ABHD18: variants seen among roughly 807,000 people sequenced by gnomAD.
ABHD18 encodes abhydrolase domain containing 18.
A neutral mutation model predicts 65.9 loss-of-function variants in ABHD18; 55 were observed. That is an observed-to-expected ratio of 0.84 (90% CI 0.67 to 1.05). ABHD18 has a LOEUF of 1.05. Ranked by LOEUF, ABHD18 falls within the 50% of genes least tolerant of loss-of-function variation. ABHD18 has a pLI of 0.00. For synonymous variants in ABHD18, 181 were observed against 180.2 expected, an observed-to-expected ratio of 1.00 and a Z score of -0.04; for missense variants, 533 against 558.5, an observed-to-expected ratio of 0.95 and a Z score of 0.46.
At chr4:128,024,738 G>A (rs1454308242) in intron 10 of ABHD18, among the ~76,000 whole-genome samples, 6 of 151,692 alleles carry the variant, frequency 4.0e-5, no homozygotes, top group Non-Finnish European at 8.8e-5. Flanking sequence ...TTTTGCCCAG[G>A]TTGGAGTGCA....
At chr4:127,970,599 AAAAAAAAAAAAG>A (rs1746568208) in intron 1 of ABHD18, among the ~76,000 whole-genome samples, 1 of 151,360 alleles carries the variant, frequency 6.6e-6, no homozygotes, top group Admixed American at 6.6e-5. Flanking sequence ...CAAAAAAAAA[AAAAAAAAAAAAG>A]AAAGAAAATA....
intron 3 of ABHD18, among the ~76,000 whole-genome samples, chr4:127,984,649 G>A (rs1051123036): frequency 6.6e-6 from 1 of 152,056 alleles, no homozygotes; most frequent in Non-Finnish European, 1.5e-5. Flanking sequence ...CCTGAGGTTG[G>A]GAGTTCAGAC....
At chr4:127,969,049 C>T (rs1292648758) in intron 1 of ABHD18, among the ~76,000 whole-genome samples, 1 of 152,062 alleles carries the variant, frequency 6.6e-6, no homozygotes, top group African/African-American at 2.4e-5. Context: ...CCTATATGTG[C>T]GTTTGATTTA....
chr4:128,033,455 G>A (rs557157634), intron 12 of ABHD18, among the ~76,000 whole-genome samples: 104 of 149,940 alleles, frequency 6.9e-4, no homozygotes, highest in Non-Finnish European at 1.2e-3. Context: ...CAAGCATGTT[G>A]TAAAACTATG....
intron 2 of ABHD18, among the ~76,000 whole-genome samples, chr4:127,984,007 CG>C (rs1238785017): frequency 6.6e-6 from 1 of 151,330 alleles, no homozygotes; most frequent in East Asian, 1.9e-4. Context: ...CCACTGCACT[CG>C]CCTGGGTGAC....
At chr4:127,972,686 G>C (rs941987309) in intron 1 of ABHD18, among the ~76,000 whole-genome samples, 4 of 151,828 alleles carry the variant, frequency 2.6e-5, no homozygotes, top group Admixed American at 1.3e-4. Flanking sequence ...GATTACAGGC[G>C]TGAGCCACCG....
intron 1 of ABHD18, among the ~76,000 whole-genome samples, chr4:127,972,359 AG>A (rs1746996165): frequency 6.6e-6 from 1 of 152,092 alleles, no homozygotes; most frequent in African/African-American, 2.4e-5. Flanking sequence ...TGGAGGTCAG[AG>A]GGTCCCAAAG....
intron 7 of ABHD18, among the ~76,000 whole-genome samples, chr4:128,016,912 A>G (rs1755608724): frequency 6.6e-6 from 1 of 151,992 alleles, no homozygotes; most frequent in Admixed American, 6.6e-5. Flanking sequence ...CAGCTGTGTA[A>G]TTCTATTTTT....
rs895749945 is a variant in ABHD18 at position 128,036,406 on chromosome 4, T to G, written c.*593T>G. ...TTTTTCTTTTTTTTTTCTTTTAACA[T>G]GTACCTCTACTTGAATGTAAGTGCT... is the stretch of plus-strand genomic sequence containing the variant. On this transcript the variant is annotated 3_prime_UTR_variant, in exon 13 of 13. Coordinates refer to ENST00000645843, the MANE Select transcript of ABHD18 (RefSeq NM_001358451.3). The G allele has an allele frequency of 6.6e-6, 1 of 152,158 alleles. No individual in the cohort carries two copies. The highest frequency in any genetic ancestry group is 1.5e-5 in the Non-Finnish European group (1 of 68,030). 9.4% of individuals were successfully genotyped at this position (152,158 alleles called of 1,614,324 possible).
chr4:128,019,981 G>T lies in ABHD18; in HGVS notation c.610-99G>T. On this transcript the variant is annotated intron_variant, in intron 8 of 12. Coordinates refer to ENST00000645843, the MANE Select transcript of ABHD18 (RefSeq NM_001358451.3). ...ATGTTTGCAGACTTTGTGTTTATCT[G>T]ACCAACTATTTACTGCACGGAATGC... The T allele has an allele frequency of 5.7e-6, 4 of 703,222 alleles. No homozygotes were observed. In the South Asian group the frequency reaches 1.0e-4, roughly 18 times the overall value. The allele number at this position is 703,222 out of a possible 1,614,324, so 43.6% of individuals were successfully genotyped here.
intron 12 of ABHD18, among the ~76,000 whole-genome samples, 154 bp from the exon 13 acceptor site, chr4:128,035,608 A>G (rs928497484): frequency 7.2e-5 from 11 of 152,144 alleles, no homozygotes. Flanking sequence ...TCAAACACCC[A>G]TTCTGGGGAG....
chr4:128,020,987 T>C, intron 9 of ABHD18, 150 bp from the exon 10 acceptor site: 2 of 511,092 alleles, frequency 3.9e-6, no homozygotes, highest in East Asian at 3.1e-5. Context: ...TGAGCCGAGA[T>C]AGTGCCATTG....
intron 4 of ABHD18, among the ~76,000 whole-genome samples, chr4:128,002,768 C>T (rs767456279): frequency 1.3e-5 from 2 of 151,714 alleles, no homozygotes; most frequent in South Asian, 2.1e-4. Flanking sequence ...CTCAGCCTCC[C>T]GAGTAGCTGG....
At chr4:128,002,933 A>C (rs202050085) in intron 4 of ABHD18, among the ~76,000 whole-genome samples, 1 of 151,882 alleles carries the variant, frequency 6.6e-6, no homozygotes, top group African/African-American at 2.4e-5. Flanking sequence ...ATGAGCCACC[A>C]CCACCACACC....
At position 128,037,868 on chromosome 4, in the gene ABHD18, GCTTT is replaced by G. The variant is rs142564003; in HGVS notation, c.*2060_*2063del. On this transcript the variant is annotated 3_prime_UTR_variant, in exon 13 of 13. Coordinates refer to ENST00000645843, the MANE Select transcript of ABHD18 (RefSeq NM_001358451.3). ...TGGGGTTTATATGGCTCGATTTGGT[GCTTT>G]CTTTTTATGTTAAACTTCTCTAGCT... 1 of 146,542 alleles carries G rather than the reference GCTTT, an allele frequency of 6.8e-6. No individual in the cohort carries two copies. Among genetic ancestry groups the G allele is most frequent in the Non-Finnish European group, 1.5e-5 (1 of 66,818 alleles). The allele number at this position is 146,542 out of a possible 1,614,324, so 9.1% of individuals were successfully genotyped here.
chr4:128,004,990 A>G (rs1753359827), intron 4 of ABHD18, among the ~76,000 whole-genome samples: 1 of 152,174 alleles, frequency 6.6e-6, no homozygotes, highest in Admixed American at 6.5e-5. Context: ...GCACTTTGGG[A>G]GGCCAAGGCG....
Position 127,984,398 on chromosome 4 carries a change from G to A in ABHD18, c.152G>A (p.Ser51Asn). 6.5e-7 allele frequency: 1 copy of A among 1,549,742 alleles called. No individual in the cohort carries two copies. Among genetic ancestry groups the A allele is most frequent in the Non-Finnish European group, 8.7e-7 (1 of 1,145,036 alleles). The part of the protein sequence containing the change: ...NRERCQNLVS[S>N]DYPVHIDKIE... ...GAAAGATGCCAGAATCTGGTTTCAA[G>A]CGATTATCCAGTACACATTGATAAG... The change falls in exon 3 of 13, where the codon AGC becomes AAC. Residue 51 changes from serine (S) to asparagine (N), a missense_variant. Ser to Asn is a conservative substitution (Grantham distance 46). Transcript: ENST00000645843.
At position 127,965,553 on chromosome 4, in the gene ABHD18, C is replaced by T; in HGVS notation, c.-71C>T. The T allele has an allele frequency of 3.6e-6, 1 of 275,226 alleles. No individual in the cohort carries two copies. Among genetic ancestry groups the T allele is most frequent in the Non-Finnish European group, 7.2e-6 (1 of 138,928 alleles). The allele number at this position is 275,226 out of a possible 1,614,324, so 17.0% of individuals were successfully genotyped here. On this transcript the variant is annotated 5_prime_UTR_variant, in exon 1 of 13. Transcript: ENST00000645843. ...AGTCCTGGAAAGGGAGCCTGGAGAG[C>T]GGCGGTGCTGGGAGGCCCGGCCAGC...
chr4:128,016,505 T>A (rs1755515516), intron 7 of ABHD18, among the ~76,000 whole-genome samples: 1 of 152,196 alleles, frequency 6.6e-6, no homozygotes, highest in Non-Finnish European at 1.5e-5. Context: ...CTGGGCGTGG[T>A]GGCTCACGCC....
Sources: allele counts gnomAD v4.1 joint callset (sites outside exome capture counted in the v4.1 genomes callset), GRCh38; gene constraint gnomAD v4.1.1; transcripts MANE v1.5; gene names NCBI Gene and HGNC (gene_info 2026-07-23, HGNC 2026-07-21).